KSR2: variants seen among roughly 807,000 people sequenced by gnomAD.
The protein encoded by KSR2 is kinase suppressor of ras 2.
In KSR2, 25 loss-of-function variants were observed where a neutral mutation model predicts 107.8. The observed-to-expected ratio is 0.23, with a 90% CI of 0.17 to 0.32. The LOEUF is 0.32. KSR2 is among the 10% of genes least tolerant of loss of function. The probability of loss-of-function intolerance (pLI) is 1.00; values close to 1 mark genes in which losing one functional copy is unlikely to be tolerated. For missense variants in KSR2, 887 were observed against 1,268.9 expected (o/e 0.70, Z 4.57); for synonymous variants, 480 against 507.0 (o/e 0.95, Z 0.71).
intron 10 of KSR2, among the ~76,000 whole-genome samples, chr12:117,534,931 C>A (rs1454452933): frequency 6.6e-6 from 1 of 152,156 alleles, no homozygotes; most frequent in Non-Finnish European, 1.5e-5. Context: ...CCTTCCAGAA[C>A]AAACCAGCCC....
At chr12:117,558,426 C>G (rs983165188) in intron 8 of KSR2, 80 bp downstream of exon 8, 9 of 1,112,644 alleles carry the variant, frequency 8.1e-6, no homozygotes, top group Non-Finnish European at 1.1e-5. Context: ...CAGAACCAAC[C>G]TGATGGGACA....
chr12:117,459,482 G>A lies in KSR2; in HGVS notation c.*7717C>T, dbSNP rs574117964. ...GTGATGGATTAGTGATGTCTGCCAA[G>A]AGTACAGCAGGGGACACTGGTGGTA... On this transcript the variant is annotated 3_prime_UTR_variant, in exon 20 of 20. Coordinates refer to ENST00000339824, the MANE Select transcript of KSR2 (RefSeq NM_173598.6). 1.3e-5 allele frequency: 2 copies of A among 152,332 alleles called. No individual in the cohort carries two copies. The highest frequency in any genetic ancestry group is 3.9e-4 in the East Asian group (2 of 5,188). 9.4% of individuals were successfully genotyped at this position (152,332 alleles called of 1,614,324 possible). A position where few individuals can be genotyped will look rare whatever the true frequency, so the allele number is the denominator to read the frequency against.
intron 4 of KSR2, among the ~76,000 whole-genome samples, chr12:117,701,710 A>G (rs917641931): frequency 2.6e-5 from 4 of 152,140 alleles, no homozygotes; most frequent in African/African-American, 9.7e-5. Context: ...TTTGACATAG[A>G]CACAAGAGGA....
intron 5 of KSR2, among the ~76,000 whole-genome samples, chr12:117,653,540 A>G (rs1048575528): frequency 1.3e-5 from 2 of 152,248 alleles, no homozygotes; most frequent in African/African-American, 2.4e-5. Flanking sequence ...CCAGTGAGCA[A>G]GAAGTAGCAA....
intron 3 of KSR2, among the ~76,000 whole-genome samples, chr12:117,805,729 C>G (rs564257703): frequency 1.3e-5 from 2 of 152,218 alleles, no homozygotes; most frequent in Admixed American, 1.3e-4. Context: ...TGCCTGTAAT[C>G]CCAACACTTT....
chr12:117,523,833 A>T (rs1874928897), intron 14 of KSR2, among the ~76,000 whole-genome samples: 1 of 152,128 alleles, frequency 6.6e-6, no homozygotes, highest in South Asian at 2.1e-4. Flanking sequence ...TTAGCCAGGC[A>T]TGGTGGCACA....
At chr12:117,801,678 C>A (rs1272810552) in intron 3 of KSR2, among the ~76,000 whole-genome samples, 4 of 152,054 alleles carry the variant, frequency 2.6e-5, no homozygotes, top group Non-Finnish European at 5.9e-5. Flanking sequence ...AAGAACAGCA[C>A]CAAGAGGGAA....
chr12:117,573,731 G>A (rs992190246), intron 7 of KSR2, among the ~76,000 whole-genome samples: 10 of 151,920 alleles, frequency 6.6e-5, no homozygotes, highest in Admixed American at 5.2e-4. Context: ...GTTTCACCAT[G>A]TTGGCCAGGC....
At chr12:117,816,236 A>G (rs1891364723) in intron 3 of KSR2, among the ~76,000 whole-genome samples, 1 of 152,040 alleles carries the variant, frequency 6.6e-6, no homozygotes, top group South Asian at 2.1e-4. Context: ...ACACTGTTGG[A>G]GCCCAACCAC....
rs748456619 is a variant in KSR2 at position 117,484,562 on chromosome 12, A to G, written c.2317-13T>C. 6.2e-7 allele frequency: 1 copy of G among 1,612,890 alleles called. No individual in the cohort carries two copies. The highest frequency in any genetic ancestry group is 1.1e-5 in the South Asian group (1 of 90,930). Reference sequence around the variant, plus strand: ...GGTAGCCCATGCCCTGCAAGAAGCAAGGAACAGAGAGTTGCCAGAGAAAAA... The same window carrying G: ...GGTAGCCCATGCCCTGCAAGAAGCAGGGAACAGAGAGTTGCCAGAGAAAAA... On this transcript the variant is annotated splice_polypyrimidine_tract_variant and intron_variant, in intron 15 of 19. Coordinates refer to ENST00000339824, the MANE Select transcript of KSR2 (RefSeq NM_173598.6).
intron 4 of KSR2, among the ~76,000 whole-genome samples, chr12:117,742,981 G>A (rs575843373): frequency 1.4e-4 from 21 of 152,142 alleles, no homozygotes; most frequent in Non-Finnish European, 2.5e-4. Context: ...TTTGATGAAC[G>A]CTTTCCTCGG....
At chr12:117,483,532 G>C (rs1024497678) in intron 16 of KSR2, among the ~76,000 whole-genome samples, 1 of 152,106 alleles carries the variant, frequency 6.6e-6, no homozygotes, top group Non-Finnish European at 1.5e-5. Context: ...AAATGAGAGA[G>C]AGAGAGAGAG....
intron 1 of KSR2, among the ~76,000 whole-genome samples, chr12:117,943,981 C>T (rs1038208994): frequency 6.6e-6 from 1 of 152,158 alleles, no homozygotes; most frequent in East Asian, 1.9e-4. Context: ...TTGTGCCTTT[C>T]ACCTTTCACC....
chr12:117,645,217 TG>T (rs1164962503), intron 5 of KSR2, among the ~76,000 whole-genome samples: 1 of 152,146 alleles, frequency 6.6e-6, no homozygotes, highest in African/African-American at 2.4e-5. Flanking sequence ...GGCTGTGAGA[TG>T]AAGAAAGAGA....
chr12:117,541,856 C>T (rs962362746), intron 9 of KSR2, among the ~76,000 whole-genome samples: 3 of 152,020 alleles, frequency 2.0e-5, no homozygotes, highest in Non-Finnish European at 4.4e-5. Flanking sequence ...TGAGTCTCTC[C>T]TTATCCTTTC....
At chr12:117,772,541 C>A in intron 3 of KSR2, among the ~76,000 whole-genome samples, 1 of 147,172 alleles carries the variant, frequency 6.8e-6, no homozygotes, top group Non-Finnish European at 1.5e-5. Context: ...ACATACACAC[C>A]ATTCCACCAA....
intron 5 of KSR2, among the ~76,000 whole-genome samples, chr12:117,627,895 C>T (rs918722362): frequency 2.6e-5 from 4 of 152,126 alleles, no homozygotes; most frequent in Non-Finnish European, 5.9e-5. Context: ...AGGCTTTGTT[C>T]ATTTCTTTTT....
chr12:117,947,955 C>G (rs1896249384), intron 1 of KSR2, among the ~76,000 whole-genome samples: 1 of 152,002 alleles, frequency 6.6e-6, no homozygotes, highest in Admixed American at 6.6e-5. Flanking sequence ...TCAATCCTCC[C>G]TGAGTTGAGA....
chr12:117,543,172 A>G lies in KSR2; in HGVS notation c.1519-3285T>C, dbSNP rs76321234. 5.6e-3 allele frequency among the ~76,000 whole-genome samples: 848 copies of G among 152,350 alleles called. 10 individuals carry two copies. Among genetic ancestry groups the G allele is most frequent in the African/African-American group, 0.019 (788 of 41,588 alleles). ...TGTAGTTTCTGGATAATATAGTAAT[A>G]ACATGTTTAGTTTTAAAAGAAAATG... On this transcript the variant is annotated intron_variant, in intron 9 of 19. Transcript: ENST00000339824.
Sources: allele counts gnomAD v4.1 joint callset (sites outside exome capture counted in the v4.1 genomes callset), GRCh38; gene constraint gnomAD v4.1.1; transcripts MANE v1.5; gene names NCBI Gene and HGNC (gene_info 2026-07-23, HGNC 2026-07-21).